The following RORA variants were observed in gnomAD, a reference collection of about 807,000 sequenced individuals.
RORA encodes the protein RAR related orphan receptor A.
Under a neutral mutation model 69.5 loss-of-function variants are expected in RORA, and 7 were observed. The observed-to-expected ratio is 0.10, with a 90% CI of 0.06 to 0.19. RORA has a LOEUF of 0.19. RORA is among the 10% of genes least tolerant of loss of function. The pLI is 1.00. For missense variants in RORA, 457 were observed against 663.0 expected (o/e 0.69, Z 3.41); for synonymous variants, 261 against 240.8 (o/e 1.08, Z -0.78).
chr15:60,869,639 A>G (rs1235030457), intron 1 of RORA, among the ~76,000 whole-genome samples: 1 of 152,218 alleles, frequency 6.6e-6, no homozygotes, highest in East Asian at 1.9e-4. Flanking sequence ...AACATTTGTT[A>G]AAAGTTTAAA....
intron 1 of RORA, among the ~76,000 whole-genome samples, chr15:61,111,884 T>C (rs181546040): frequency 1.7e-3 from 257 of 152,350 alleles, no homozygotes; most frequent in Non-Finnish European, 2.7e-3. Context: ...AAGTCAATCA[T>C]CTATTCATTC....
chr15:60,990,822 TGAAACATTA>T (rs1894353046), intron 1 of RORA, among the ~76,000 whole-genome samples: 1 of 152,114 alleles, frequency 6.6e-6, no homozygotes, highest in Non-Finnish European at 1.5e-5. Flanking sequence ...GTGCCAAGCA[TGAAACATTA>T]TAAAGGAGTT....
intron 1 of RORA, among the ~76,000 whole-genome samples, chr15:60,752,514 T>C (rs1350090711): frequency 1.3e-5 from 2 of 152,068 alleles, no homozygotes; most frequent in Non-Finnish European, 2.9e-5. Flanking sequence ...CCCAATCCTG[T>C]GATGTGATTA....
At chr15:60,988,856 T>C (rs560409667) in intron 1 of RORA, among the ~76,000 whole-genome samples, 8 of 152,264 alleles carry the variant, frequency 5.3e-5, no homozygotes, top group African/African-American at 1.7e-4. Context: ...ACTTTTCAGT[T>C]GAAACTACTA....
intron 1 of RORA, among the ~76,000 whole-genome samples, chr15:60,923,668 A>C (rs1892116077): frequency 6.6e-6 from 1 of 152,230 alleles, no homozygotes; most frequent in South Asian, 2.1e-4. Context: ...CTAAAGACTA[A>C]TTGCTAAACA....
intron 2 of RORA, among the ~76,000 whole-genome samples, chr15:60,646,517 C>T (rs1413053636): frequency 2.0e-5 from 3 of 152,112 alleles, no homozygotes; most frequent in African/African-American, 4.8e-5. Context: ...GAATAAAACC[C>T]GGGTATGTGA....
chr15:60,836,884 C>T (rs1201142017), intron 1 of RORA, among the ~76,000 whole-genome samples: 1 of 152,162 alleles, frequency 6.6e-6, no homozygotes, highest in Non-Finnish European at 1.5e-5. Flanking sequence ...ATGTCTTTTG[C>T]TTTACTCTTA....
chr15:60,954,194 A>G (rs1354203566), intron 1 of RORA, among the ~76,000 whole-genome samples: 2 of 144,942 alleles, frequency 1.4e-5, no homozygotes, highest in Middle Eastern at 3.2e-3. Context: ...TCGCAAGAAC[A>G]AAAAACCAAA....
chr15:60,716,617 G>A (rs956486154), intron 1 of RORA, among the ~76,000 whole-genome samples: 4 of 152,120 alleles, frequency 2.6e-5, no homozygotes, highest in African/African-American at 7.2e-5. Flanking sequence ...AGGCCTCAGG[G>A]ACAGGTCTCT....
At chr15:60,627,726 G>A (rs551991364) in intron 2 of RORA, among the ~76,000 whole-genome samples, 16 of 152,166 alleles carry the variant, frequency 1.1e-4, no homozygotes, top group Non-Finnish European at 1.3e-4. Context: ...TTTTCCAAGC[G>A]TCTTTCACAT....
chr15:60,926,108 G>T (rs1315559088), intron 1 of RORA, among the ~76,000 whole-genome samples: 2 of 152,182 alleles, frequency 1.3e-5, no homozygotes, highest in African/African-American at 4.8e-5. Context: ...TTGCATCAGG[G>T]CCTGGAGATG....
intron 2 of RORA, among the ~76,000 whole-genome samples, chr15:60,667,553 C>T (rs1056661424): frequency 6.6e-6 from 1 of 152,160 alleles, no homozygotes; most frequent in Non-Finnish European, 1.5e-5. Context: ...TAATTGCCTA[C>T]ATGTATTAGA....
intron 2 of RORA, chr15:60,627,421 T>A: frequency 6.2e-7 from 1 of 1,612,092 alleles, no homozygotes; most frequent in Non-Finnish European, 8.5e-7. Context: ...GGGCTGTGCT[T>A]TGCCCCAGTG....
intron 1 of RORA, among the ~76,000 whole-genome samples, chr15:60,763,045 A>T (rs1304432768): frequency 1.6e-5 from 2 of 122,780 alleles, no homozygotes; most frequent in African/African-American, 6.3e-5. Flanking sequence ...AAATAAAAGT[A>T]CTGTTTCCAA....
At chr15:60,709,915 A>T (rs936591343) in intron 1 of RORA, among the ~76,000 whole-genome samples, 1 of 152,082 alleles carries the variant, frequency 6.6e-6, no homozygotes, top group Non-Finnish European at 1.5e-5. Context: ...AAGGTTGGGG[A>T]CTGTTGCTTT....
chr15:61,029,564 T>C (rs953252781), intron 1 of RORA, among the ~76,000 whole-genome samples: 8 of 151,852 alleles, frequency 5.3e-5, no homozygotes, highest in African/African-American at 1.5e-4. Context: ...TGTAGGCCAG[T>C]TGAGAGGCTG....
At position 60,656,292 on chromosome 15, in the gene RORA, G is replaced by A. The variant is rs141347171; in HGVS notation, c.196+22365C>T. ...AACTAGGGCCTTCTGAGTCCCCAGTGCAGCATGCATATGTGTCTGCCTTGT... is the reference window on the plus strand; with the variant it reads ...AACTAGGGCCTTCTGAGTCCCCAGTACAGCATGCATATGTGTCTGCCTTGT... On this transcript the variant is annotated intron_variant, in intron 2 of 10. Coordinates refer to ENST00000335670, the MANE Select transcript of RORA (RefSeq NM_134261.3). Among the ~76,000 whole-genome samples, 35 of 152,300 alleles carry A rather than the reference G, an allele frequency of 2.3e-4. No individual in the cohort carries two copies. The East Asian group carries it at 5.2e-3, about 23-fold the overall frequency.
At chr15:60,876,018 G>A (rs1209796652) in intron 1 of RORA, among the ~76,000 whole-genome samples, 3 of 152,144 alleles carry the variant, frequency 2.0e-5, no homozygotes, top group Admixed American at 1.3e-4. Context: ...GACCACAGTT[G>A]TTCAGCGTAT....
intron 1 of RORA, among the ~76,000 whole-genome samples, chr15:60,696,844 G>C (rs1280488115): frequency 6.6e-6 from 1 of 152,142 alleles, no homozygotes; most frequent in East Asian, 1.9e-4. Context: ...GGTGAGGCCA[G>C]AGCAAAGGTA....
Sources: gnomAD v4.1 joint callset for allele counts (sites outside exome capture counted in the v4.1 genomes callset) on GRCh38, gnomAD v4.1.1 for gene constraint, MANE v1.5 for transcripts, NCBI Gene and HGNC (gene_info 2026-07-23, HGNC 2026-07-21) for gene names.